FBXO10: variants seen among roughly 807,000 people sequenced by gnomAD.
FBXO10 encodes the protein F-box protein 10.
Under a neutral mutation model 80.7 loss-of-function variants are expected in FBXO10, and 39 were observed. The ratio of observed to expected loss-of-function variants is 0.48; its 90% CI spans 0.37 to 0.63. The LOEUF is 0.63. Ranked by LOEUF, FBXO10 falls within the 30% of genes least tolerant of loss-of-function variation. The pLI, the probability that FBXO10 is intolerant of heterozygous loss-of-function variation, is 0.00. For missense variants in FBXO10, 1,025 were observed against 1,269.0 expected (o/e 0.81, Z 2.92); for synonymous variants, 449 against 489.6 (o/e 0.92, Z 1.09).
At chr9:37,523,057 T>G in intron 6 of FBXO10, 80 bp from the exon 7 acceptor site, 1 of 1,505,548 alleles carries the variant, frequency 6.6e-7, no homozygotes, top group Non-Finnish European at 9.0e-7. Context: ...ACAGTTTTGA[T>G]CAAGGCTACT....
chr9:37,541,639 G>T lies in FBXO10; in HGVS notation c.130C>A (p.Arg44Ser). ...CAACCCAGACACAGCTGCCGCCAGC[G>T]GGTGCTGTCGAGACTGAGGATCAGT... ...YELILSLDST[R>S]WRQLCLGCTE... Residue 44 changes from arginine to serine, a missense_variant, in exon 2 of 11, where the codon CGC becomes AGC. Coordinates refer to ENST00000432825, the MANE Select transcript of FBXO10 (RefSeq NM_012166.3). 1 of 1,613,908 alleles carries T rather than the reference G, an allele frequency of 6.2e-7. No individual in the cohort carries two copies.
chr9:37,525,478 T>C (rs1156936785), intron 5 of FBXO10, among the ~76,000 whole-genome samples: 2 of 152,304 alleles, frequency 1.3e-5, no homozygotes, highest in Middle Eastern at 3.4e-3. Context: ...CCCCCAACTA[T>C]GCTATACACG....
intron 1 of FBXO10, among the ~76,000 whole-genome samples, chr9:37,567,533 A>C (rs1012067367): frequency 4.6e-5 from 7 of 152,136 alleles, no homozygotes; most frequent in African/African-American, 1.7e-4. Flanking sequence ...TTGTGTGGTA[A>C]TATTTTAGTG....
rs2119128387 is a variant in FBXO10 at position 37,541,762 on chromosome 9, C to T, written c.7G>A (p.Ala3Thr). The change falls in exon 2 of 11, where the codon GCT becomes ACT. Residue 3 changes from alanine (A) to threonine (T), a missense_variant. Physicochemically the swap from Ala to Thr is moderately conservative, Grantham distance 58. Transcript: ENST00000432825. ...CACAGCTCCAAGGGGAGGCCACCAGCCTCCATGGTCACCTAGGAGACAGAC... is the reference window on the plus strand; with the variant it reads ...CACAGCTCCAAGGGGAGGCCACCAGTCTCCATGGTCACCTAGGAGACAGAC... MEAGGLPLELWRM... is the reference protein window; with the variant it reads METGGLPLELWRM... The T allele has an allele frequency of 1.3e-6, 2 of 1,593,368 alleles. No homozygotes were observed. The highest frequency in any genetic ancestry group is 1.1e-5 in the South Asian group (1 of 89,336).
intron 1 of FBXO10, among the ~76,000 whole-genome samples, chr9:37,556,941 T>A (rs1450346431): frequency 6.6e-6 from 1 of 152,240 alleles, no homozygotes; most frequent in Non-Finnish European, 1.5e-5. Flanking sequence ...GCCTTTTGCA[T>A]CCTCCACTGG....
chr9:37,516,077 CTTT>C lies in FBXO10; in HGVS notation c.2520_2522del (p.Ile840_Lys841delinsMet), dbSNP rs1195274118. On this transcript the variant is annotated inframe_deletion, in exon 10 of 11. Coordinates refer to ENST00000432825, the MANE Select transcript of FBXO10 (RefSeq NM_012166.3). ...AGGCCCGGAACGAGTGGATCCGGTT[CTTT>C]ATTACCTGGGAGAGGCAGCCAGAGA... is the stretch of plus-strand genomic sequence containing the variant. 1 of 1,611,028 alleles carries C rather than the reference CTTT, an allele frequency of 6.2e-7. No individual in the cohort carries two copies. The highest frequency in any genetic ancestry group is 2.2e-5 in the East Asian group (1 of 44,854).
At chr9:37,535,902 A>ATT (rs1821754440) in intron 3 of FBXO10, 1 of 152,226 alleles carries the variant, frequency 6.6e-6, no homozygotes, top group Admixed American at 6.5e-5. Context: ...AGAAAGCCAT[A>ATT]TTCTCAATAA....
chr9:37,551,213 G>C (rs1369583795), intron 1 of FBXO10, among the ~76,000 whole-genome samples: 1 of 152,214 alleles, frequency 6.6e-6, no homozygotes, highest in Non-Finnish European at 1.5e-5. Flanking sequence ...CAACGTGTTG[G>C]GGGCTGGGTC....
rs536150039 is a variant in FBXO10 at position 37,537,635 on chromosome 9, C to T, written c.894G>A (p.Glu298=). The T allele has an allele frequency of 3.1e-6, 5 of 1,613,986 alleles. No individual in the cohort carries two copies. The highest frequency in any genetic ancestry group is 4.2e-6 in the Non-Finnish European group (5 of 1,179,892). ...TTGGGCTCCAGGCCTGGTCCCGGCT[C>T]TCTAGGTCCAGGGACATTAAAAAGT... ...DSDFLMSLDL[E]SRDQAWSPKT... The change falls in exon 3 of 11, where the codon GAG becomes GAA. Residue 298 remains glutamate (E), a synonymous_variant. Coordinates refer to ENST00000432825, the MANE Select transcript of FBXO10 (RefSeq NM_012166.3).
chr9:37,558,887 C>A (rs984237555), intron 1 of FBXO10, among the ~76,000 whole-genome samples: 1 of 151,742 alleles, frequency 6.6e-6, no homozygotes, highest in Non-Finnish European at 1.5e-5. Context: ...CTCAGCTCAC[C>A]GCAACCTCCA....
Position 37,545,743 on chromosome 9 carries a change from A to C in FBXO10, c.-6-3969T>G, listed in dbSNP as rs1041096095. On this transcript the variant is annotated intron_variant, in intron 1 of 10. Coordinates refer to ENST00000432825, the MANE Select transcript of FBXO10 (RefSeq NM_012166.3). Reference sequence around the variant, plus strand: ...GACTTCCACTTCAGGCCATGACAGAATAACGGAAACTGGATATTCCCTTCC... The same window carrying C: ...GACTTCCACTTCAGGCCATGACAGACTAACGGAAACTGGATATTCCCTTCC... Among the ~76,000 whole-genome samples the C allele has an allele frequency of 7.9e-5, 12 of 152,358 alleles. No homozygotes were observed. In the South Asian group the frequency reaches 2.3e-3, roughly 29 times the overall value.
intron 8 of FBXO10, 149 bp from the exon 9 acceptor site, chr9:37,518,587 C>A: frequency 1.5e-6 from 1 of 664,578 alleles, no homozygotes; most frequent in Non-Finnish European, 2.5e-6. Context: ...CTTGAGTTTG[C>A]GTCTTCCAAG....
chr9:37,552,511 G>A (rs1208834408), intron 1 of FBXO10, among the ~76,000 whole-genome samples: 11 of 151,972 alleles, frequency 7.2e-5, no homozygotes, highest in Admixed American at 2.6e-4. Flanking sequence ...GTGAAACCCC[G>A]TCTCTACTGA....
intron 1 of FBXO10, among the ~76,000 whole-genome samples, chr9:37,549,498 T>G (rs1822138876): frequency 6.6e-6 from 1 of 152,226 alleles, no homozygotes; most frequent in South Asian, 2.1e-4. Flanking sequence ...TCTTGATTTG[T>G]GTAGAAATCA....
At chr9:37,543,656 T>C (rs1222249698) in intron 1 of FBXO10, among the ~76,000 whole-genome samples, 1 of 152,214 alleles carries the variant, frequency 6.6e-6, no homozygotes, top group Non-Finnish European at 1.5e-5. Flanking sequence ...GCTTTATCCT[T>C]GCCCTTTGAA....
At chr9:37,543,815 C>T (rs1457803825) in intron 1 of FBXO10, among the ~76,000 whole-genome samples, 1 of 152,152 alleles carries the variant, frequency 6.6e-6, no homozygotes, top group East Asian at 1.9e-4. Flanking sequence ...AGTCTGAAAC[C>T]CAAGTCTCTA....
chr9:37,527,158 C>A (rs1347078490), intron 5 of FBXO10, among the ~76,000 whole-genome samples: 2 of 152,200 alleles, frequency 1.3e-5, no homozygotes, highest in Admixed American at 6.5e-5. Flanking sequence ...CCCCTGCTCT[C>A]TTAATCTAAT....
chr9:37,512,835 G>A (rs1821096840), intron 10 of FBXO10, 114 bp from the exon 11 acceptor site: 3 of 1,096,638 alleles, frequency 2.7e-6, no homozygotes, highest in Non-Finnish European at 3.8e-6. Flanking sequence ...GTTTAAATCT[G>A]GGTGTAGGTT....
At chr9:37,539,965 G>C (rs1300294629) in intron 2 of FBXO10, among the ~76,000 whole-genome samples, 1 of 152,104 alleles carries the variant, frequency 6.6e-6, no homozygotes, top group Non-Finnish European at 1.5e-5. Flanking sequence ...CTAAGTCTGA[G>C]ACCTTGATGT....
Sources: allele counts gnomAD v4.1 joint callset (sites outside exome capture counted in the v4.1 genomes callset), GRCh38; gene constraint gnomAD v4.1.1; transcripts MANE v1.5; gene names NCBI Gene and HGNC (gene_info 2026-07-23, HGNC 2026-07-21).